COL22A1: variants seen among roughly 807,000 people sequenced by gnomAD.
The protein encoded by COL22A1 is collagen type XXII alpha 1 chain.
A neutral mutation model predicts 248.9 loss-of-function variants in COL22A1; 221 were observed. The ratio of observed to expected loss-of-function variants is 0.89; its 90% CI spans 0.80 to 0.99. The LOEUF (loss-of-function observed/expected upper bound fraction) is 0.99. Among genes scored for constraint, COL22A1 ranks in the 50% least tolerant of loss-of-function variants. The pLI is 0.00. For missense variants in COL22A1, 2,240 were observed against 2,179.0 expected (o/e 1.03, Z -0.56); for synonymous variants, 891 against 793.4 (o/e 1.12, Z -2.07).
chr8:138,633,251 G>A (rs1438772313), intron 49 of COL22A1, among the ~76,000 whole-genome samples: 1 of 152,194 alleles, frequency 6.6e-6, no homozygotes, highest in African/African-American at 2.4e-5. Context: ...TACAAAGCAC[G>A]ACACAAAATA....
At position 138,660,433 on chromosome 8, in the gene COL22A1, T is replaced by G. The variant is rs1254720332; in HGVS notation, c.3285+3A>C. 3 of 1,612,880 alleles carry G rather than the reference T, an allele frequency of 1.9e-6. No homozygotes were observed. Among genetic ancestry groups the G allele is most frequent in the Non-Finnish European group, 1.7e-6 (2 of 1,178,804 alleles). On this transcript the variant is annotated splice_donor_region_variant and intron_variant, in intron 44 of 64. Coordinates refer to ENST00000303045, the MANE Select transcript of COL22A1 (RefSeq NM_152888.3). ...ATTCATCCAGAACCATAAGATGACA[T>G]ACCGGCTTGCCAGGAGGCCCTCTTT...
At chr8:138,600,953 T>C (rs558767533) in intron 60 of COL22A1, among the ~76,000 whole-genome samples, 4 of 152,318 alleles carry the variant, frequency 2.6e-5, no homozygotes, top group African/African-American at 9.6e-5. Flanking sequence ...ACTTATCCCA[T>C]ATTTCAAATG....
rs151059756 is a variant in COL22A1, at chr8:138,722,058, G to A, written c.2279C>T (p.Pro760Leu). The A allele has an allele frequency of 4.4e-6, 7 of 1,581,786 alleles. No homozygotes were observed. In the African/African-American group the frequency reaches 8.1e-5, roughly 18 times the overall value. The change falls in exon 26 of 65, where the codon CCA (proline) becomes CTA (leucine). Residue 760 changes from proline to leucine, a missense_variant. By Grantham distance (98) the Pro-to-Leu change is moderately conservative. Coordinates refer to ENST00000303045, the MANE Select transcript of COL22A1 (RefSeq NM_152888.3). ...GPPGKDGPNGPPGPPGTKGEP... is the reference protein window; with the variant it reads ...GPPGKDGPNGLPGPPGTKGEP... ...AACCTTGGTTCCTGGCGGACCTGGT[G>A]GTCCATTTGGCCCGTCCTTTCCAGG...
rs559662157 is a variant in COL22A1, at chr8:138,653,521, A to C, written c.3333+2376T>G. On this transcript the variant is annotated intron_variant, in intron 45 of 64. Coordinates refer to ENST00000303045, the MANE Select transcript of COL22A1 (RefSeq NM_152888.3). ...TCTGTAAAATGCAGACAGCAACAGA[A>C]ACCACTCACAGGATTGTTTTTGAGG... 2.0e-5 allele frequency among the ~76,000 whole-genome samples: 3 copies of C among 152,340 alleles called. No homozygotes were observed. In the South Asian group the frequency reaches 6.2e-4, roughly 32 times the overall value.
At chr8:138,697,974 C>T (rs1827646779) in intron 32 of COL22A1, among the ~76,000 whole-genome samples, 1 of 152,222 alleles carries the variant, frequency 6.6e-6, no homozygotes, top group East Asian at 1.9e-4. Context: ...AATGCAGAGC[C>T]TGCAGGAAGG....
At chr8:138,811,342 T>C (rs941651010) in intron 9 of COL22A1, among the ~76,000 whole-genome samples, 5 of 92,006 alleles carry the variant, frequency 5.4e-5, no homozygotes, top group African/African-American at 1.8e-4. Flanking sequence ...CACACGTACA[T>C]ACACATATAT....
intron 7 of COL22A1, among the ~76,000 whole-genome samples, chr8:138,819,974 C>G (rs1390497317): frequency 6.6e-6 from 1 of 151,980 alleles, no homozygotes; most frequent in Non-Finnish European, 1.5e-5. Flanking sequence ...GATGTACCCC[C>G]CTTTTCAAAG....
chr8:138,796,932 C>T, intron 11 of COL22A1, 75 bp from the exon 12 acceptor site: 3 of 960,560 alleles, frequency 3.1e-6, no homozygotes, highest in Non-Finnish European at 5.1e-6. Flanking sequence ...GCAACATCAT[C>T]CCGAGATTTG....
At chr8:138,686,131 T>C (rs1826327388) in intron 37 of COL22A1, among the ~76,000 whole-genome samples, 1 of 152,216 alleles carries the variant, frequency 6.6e-6, no homozygotes. Context: ...ACCCTGTAGA[T>C]ACAATCCAAT....
chr8:138,820,477 G>T (rs183267204), intron 7 of COL22A1, among the ~76,000 whole-genome samples: 1 of 151,834 alleles, frequency 6.6e-6, no homozygotes, highest in Non-Finnish European at 1.5e-5. Flanking sequence ...TTAAAGAAAT[G>T]AAAAAAACAG....
rs576235881 is a variant in COL22A1, at chr8:138,788,990, G to A, written c.1596+7829C>T. ...TTCTAGATCCAGCCAGTCTGTGACC[G>A]GGGTCTGCACCCTGAGCTTCCCCTG... is the stretch of plus-strand genomic sequence containing the variant. On this transcript the variant is annotated intron_variant, in intron 12 of 64. Transcript: ENST00000303045. 2.6e-5 allele frequency among the ~76,000 whole-genome samples: 4 copies of A among 152,284 alleles called. No individual in the cohort carries two copies. The South Asian group carries it at 6.2e-4, about 24-fold the overall frequency.
intron 1 of COL22A1, among the ~76,000 whole-genome samples, chr8:138,907,559 T>C (rs924095241): frequency 6.6e-6 from 1 of 152,260 alleles, no homozygotes; most frequent in Non-Finnish European, 1.5e-5. Flanking sequence ...ATCATCTATT[T>C]ACTTTCTCAT....
At chr8:138,629,878 C>T (rs1464308281) in intron 50 of COL22A1, among the ~76,000 whole-genome samples, 8 of 152,118 alleles carry the variant, frequency 5.3e-5, no homozygotes, top group Admixed American at 2.6e-4. Context: ...CTAGGGATTG[C>T]GCCTGGCTCT....
chr8:138,700,811 A>C (rs534833855), intron 31 of COL22A1, among the ~76,000 whole-genome samples: 27 of 152,144 alleles, frequency 1.8e-4, no homozygotes, highest in South Asian at 4.1e-4. Flanking sequence ...GGTGAAACCC[A>C]GTCTCTACTA....
intron 4 of COL22A1, among the ~76,000 whole-genome samples, chr8:138,834,524 C>T (rs988715259): frequency 6.6e-6 from 1 of 152,152 alleles, no homozygotes; most frequent in African/African-American, 2.4e-5. Flanking sequence ...GTAGTCCTGA[C>T]ATAAAGTTTG....
At chr8:138,667,013 C>G (rs1487345859) in intron 41 of COL22A1, among the ~76,000 whole-genome samples, 1 of 152,086 alleles carries the variant, frequency 6.6e-6, no homozygotes, top group African/African-American at 2.4e-5. Flanking sequence ...AAAGAAGATA[C>G]TATAAGTAGA....
At chr8:138,755,417 T>C (rs1233624621) in intron 20 of COL22A1, 65 bp downstream of exon 20, 49 of 1,532,098 alleles carry the variant, frequency 3.2e-5, no homozygotes, top group African/African-American at 9.6e-5. Flanking sequence ...GAGATCATGG[T>C]TGTGGCTTTT....
intron 51 of COL22A1, among the ~76,000 whole-genome samples, chr8:138,624,946 T>C (rs1163748253): frequency 6.6e-6 from 1 of 152,238 alleles, no homozygotes; most frequent in African/African-American, 2.4e-5. Flanking sequence ...CAAAAGCAGA[T>C]GTAGTTCCAG....
intron 39 of COL22A1, among the ~76,000 whole-genome samples, chr8:138,682,258 ACTCAGGTGGAATGCATAGTAAT>A (rs923526001): frequency 1.4e-5 from 2 of 146,002 alleles, no homozygotes; most frequent in Admixed American, 6.9e-5. Flanking sequence ...TCTTTAAAGA[ACTCAGGTGGAATGCATAGTAAT>A]CAGCTCTGGA....
Sources: gnomAD v4.1 joint callset for allele counts (sites outside exome capture counted in the v4.1 genomes callset) on GRCh38, gnomAD v4.1.1 for gene constraint, MANE v1.5 for transcripts, NCBI Gene and HGNC (gene_info 2026-07-23, HGNC 2026-07-21) for gene names.